DLC1: variants seen among roughly 807,000 people sequenced by gnomAD.
DLC1 encodes rho GTPase-activating protein 7.
Under a neutral mutation model 140.3 loss-of-function variants are expected in DLC1, and 54 were observed. The ratio of observed to expected loss-of-function variants is 0.38; its 90% CI spans 0.31 to 0.48. The LOEUF (loss-of-function observed/expected upper bound fraction) is 0.48, where lower values mean the gene tolerates loss of function less well. Ranked by LOEUF, DLC1 falls within the 20% of genes least tolerant of loss-of-function variation. The pLI is 0.96. For synonymous variants in DLC1, 986 were observed against 728.1 expected (o/e 1.35, Z -5.70); for missense variants, 2,536 against 1,907.0 (o/e 1.33, Z -6.14).
chr8:13,468,811 CTTTTTTTTTTTTTTT>C (rs78775803), intron 2 of DLC1, among the ~76,000 whole-genome samples: 3 of 89,954 alleles, frequency 3.3e-5, no homozygotes, highest in Non-Finnish European at 3.9e-5. Context: ...TTTATGTCTG[CTTTTTTTTTTTTTTT>C]TTTTTTTTTT....
intron 1 of DLC1, among the ~76,000 whole-genome samples, chr8:13,506,575 G>GTC (rs1202155819): frequency 0.013 from 128 of 9,700 alleles, 2 homozygotes; most frequent in Non-Finnish European, 0.07. Context: ...ACATGTGTGT[G>GTC]TGTGTGTATA....
intron 1 of DLC1, among the ~76,000 whole-genome samples, chr8:13,534,132 A>T (rs1299747968): frequency 6.6e-6 from 1 of 152,172 alleles, no homozygotes; most frequent in East Asian, 1.9e-4. Flanking sequence ...CTGTTTAGAT[A>T]TCACTCATTT....
At chr8:13,362,518 A>G (rs1313598013) in intron 4 of DLC1, among the ~76,000 whole-genome samples, 1 of 152,090 alleles carries the variant, frequency 6.6e-6, no homozygotes, top group African/African-American at 2.4e-5. Context: ...TCCTGCCTTC[A>G]TTAGCTCACA....
intron 2 of DLC1, among the ~76,000 whole-genome samples, chr8:13,494,446 C>T (rs1452439514): frequency 2.0e-5 from 3 of 152,134 alleles, no homozygotes; most frequent in African/African-American, 7.2e-5. Context: ...GGTGCGATCA[C>T]CCCTGTAGCC....
chr8:13,600,170 T>A (rs149979455), intron 1 of DLC1, among the ~76,000 whole-genome samples: 5 of 152,072 alleles, frequency 3.3e-5, no homozygotes, highest in African/African-American at 1.2e-4. Context: ...TGTAATTCTC[T>A]ATTATTTCTT....
At chr8:13,374,908 C>CAGTG (rs1835898746) in intron 4 of DLC1, among the ~76,000 whole-genome samples, 1 of 152,222 alleles carries the variant, frequency 6.6e-6, no homozygotes, top group Non-Finnish European at 1.5e-5. Flanking sequence ...AGAGGTCCTT[C>CAGTG]ACATCCCTTG....
chr8:13,094,732 A>G (rs1381306006), intron 12 of DLC1, 27 bp downstream of exon 12: 2 of 1,613,272 alleles, frequency 1.2e-6, no homozygotes, highest in Non-Finnish European at 1.7e-6. Context: ...CCCAATGCCA[A>G]CAATCTTAAG....
chr8:13,149,131 G>A (rs773749840), intron 5 of DLC1, among the ~76,000 whole-genome samples: 5 of 152,114 alleles, frequency 3.3e-5, no homozygotes, highest in Non-Finnish European at 5.9e-5. Context: ...TCTCTCAGCA[G>A]AATCAATCAA....
chr8:13,442,819 A>G (rs1265003203), intron 2 of DLC1, among the ~76,000 whole-genome samples: 1 of 152,246 alleles, frequency 6.6e-6, no homozygotes, highest in African/African-American at 2.4e-5. Flanking sequence ...ATCTAGAACT[A>G]GAAATACCAT....
At chr8:13,600,316 C>A (rs1805833042) in intron 1 of DLC1, among the ~76,000 whole-genome samples, 1 of 151,740 alleles carries the variant, frequency 6.6e-6, no homozygotes, top group Non-Finnish European at 1.5e-5. Context: ...TAAGAAGAGA[C>A]CAGTTAATGA....
At chr8:13,570,774 G>T (rs1804624852) in intron 1 of DLC1, among the ~76,000 whole-genome samples, 1 of 152,008 alleles carries the variant, frequency 6.6e-6, no homozygotes, top group Non-Finnish European at 1.5e-5. Flanking sequence ...TCTTCATTCA[G>T]CTCTCAAATT....
chr8:13,595,361 G>A (rs914459181), intron 1 of DLC1, among the ~76,000 whole-genome samples: 3 of 152,002 alleles, frequency 2.0e-5, no homozygotes, highest in African/African-American at 7.2e-5. Flanking sequence ...ACATCAGTGA[G>A]TGTAGCATCT....
intron 3 of DLC1, among the ~76,000 whole-genome samples, chr8:13,394,770 C>T (rs1239431099): frequency 6.6e-6 from 1 of 152,114 alleles, no homozygotes; most frequent in East Asian, 1.9e-4. Context: ...TTGATAATTT[C>T]TTTTAATACA....
chr8:13,161,256 C>A (rs747063344), intron 5 of DLC1, among the ~76,000 whole-genome samples: 1 of 152,196 alleles, frequency 6.6e-6, no homozygotes, highest in Non-Finnish European at 1.5e-5. Flanking sequence ...GTAAGTGCGA[C>A]CACAGTAAAC....
intron 4 of DLC1, among the ~76,000 whole-genome samples, chr8:13,375,758 A>G (rs189365569): frequency 0.022 from 3,285 of 148,554 alleles, 126 homozygotes; most frequent in African/African-American, 0.074. Flanking sequence ...GAGATGAGAA[A>G]GGAATCATTT....
In DLC1 at chr8:13,513,339, C is replaced by A. The variant is rs150679780; in HGVS notation, c.-126+1263G>T. ...CTTCCACATATATAAAAAGTAGATT[C>A]TTTTTCTCATATTTAAGAAGTTTTA... On this transcript the variant is annotated intron_variant, in intron 1 of 17. Transcript: ENST00000276297. Among the ~76,000 whole-genome samples the A allele has an allele frequency of 7.9e-5, 12 of 152,080 alleles. No individual in the cohort carries two copies. In the East Asian group the frequency reaches 1.7e-3, roughly 22 times the overall value.
At chr8:13,503,622 T>A (rs891519242) in intron 1 of DLC1, among the ~76,000 whole-genome samples, 2 of 152,194 alleles carry the variant, frequency 1.3e-5, no homozygotes, top group African/African-American at 4.8e-5. Flanking sequence ...GAGAGCAAGG[T>A]GCAGATGAAG....
chr8:13,110,489 A>G (rs760339790), intron 7 of DLC1, among the ~76,000 whole-genome samples: 1 of 152,166 alleles, frequency 6.6e-6, no homozygotes, highest in African/African-American at 2.4e-5. Context: ...GTTACTTGTT[A>G]CACCAATTAT....
At chr8:13,430,531 T>G (rs1022927081) in intron 2 of DLC1, among the ~76,000 whole-genome samples, 2 of 152,202 alleles carry the variant, frequency 1.3e-5, no homozygotes, top group Non-Finnish European at 2.9e-5. Context: ...AAATGATTTT[T>G]AGGTTATATT....
Sources: allele counts gnomAD v4.1 joint callset (sites outside exome capture counted in the v4.1 genomes callset), GRCh38; gene constraint gnomAD v4.1.1; transcripts MANE v1.5; gene names NCBI Gene and HGNC (gene_info 2026-07-23, HGNC 2026-07-21).